The following CDH4 variants were observed in gnomAD, a reference collection of about 807,000 sequenced individuals.
CDH4 encodes cadherin-4.
In CDH4, 33 loss-of-function variants were observed where a neutral mutation model predicts 86.0. The observed-to-expected ratio is 0.38, with a 90% CI of 0.29 to 0.51. The LOEUF (loss-of-function observed/expected upper bound fraction) is 0.51. Ranked by LOEUF, CDH4 falls within the 20% of genes least tolerant of loss-of-function variation. The pLI is 0.86. For missense variants in CDH4, 1,114 were observed against 1,307.4 expected (o/e 0.85, Z 2.28); for synonymous variants, 555 against 549.4 (o/e 1.01, Z -0.14).
intron 2 of CDH4, among the ~76,000 whole-genome samples, chr20:61,705,808 T>C (rs996243917): frequency 2.6e-5 from 4 of 152,208 alleles, no homozygotes; most frequent in Admixed American, 1.3e-4. Flanking sequence ...CAGGCTCCAT[T>C]TGCAAGGGGC....
At chr20:61,914,102 C>A (rs960474787) in intron 9 of CDH4, among the ~76,000 whole-genome samples, 1 of 152,226 alleles carries the variant, frequency 6.6e-6, no homozygotes, top group Non-Finnish European at 1.5e-5. Flanking sequence ...TCCTGCCCCC[C>A]CACAGCCAGT....
intron 2 of CDH4, among the ~76,000 whole-genome samples, chr20:61,648,062 C>T (rs916106366): frequency 1.3e-5 from 2 of 152,184 alleles, no homozygotes; most frequent in Non-Finnish European, 2.9e-5. Flanking sequence ...TGCAGGCAGG[C>T]GTGGGCTCCA....
At chr20:61,270,897 A>C (rs549958254) in intron 2 of CDH4, among the ~76,000 whole-genome samples, 1 of 152,140 alleles carries the variant, frequency 6.6e-6, no homozygotes, top group South Asian at 2.1e-4. Flanking sequence ...TTTGGGTTAA[A>C]CGTTTACCAT....
chr20:61,424,380 CCACACACATATCCACACACAG>C (rs1409136382), intron 2 of CDH4, among the ~76,000 whole-genome samples: 1 of 147,404 alleles, frequency 6.8e-6, no homozygotes, highest in East Asian at 2.1e-4. Flanking sequence ...AAACATGTAT[CCACACACATATCCACACACAG>C]CACACATGTA....
chr20:61,293,208 G>A (rs761417104), intron 2 of CDH4, among the ~76,000 whole-genome samples: 3 of 152,168 alleles, frequency 2.0e-5, no homozygotes, highest in Non-Finnish European at 4.4e-5. Flanking sequence ...TTGGCCTGCG[G>A]GTTCTAGCTC....
intron 2 of CDH4, among the ~76,000 whole-genome samples, chr20:61,346,544 C>A (rs1290125224): frequency 1.3e-5 from 2 of 152,024 alleles, no homozygotes; most frequent in Non-Finnish European, 2.9e-5. Flanking sequence ...AGGAGTTCAA[C>A]ACTAGCCTGG....
intron 3 of CDH4, among the ~76,000 whole-genome samples, chr20:61,768,500 C>G (rs1009753881): frequency 1.3e-5 from 2 of 152,088 alleles, no homozygotes; most frequent in African/African-American, 4.8e-5. Flanking sequence ...TCATTCACTC[C>G]GAAATACAGA....
chr20:61,726,444 A>G (rs1395951127), intron 2 of CDH4, among the ~76,000 whole-genome samples: 1 of 152,162 alleles, frequency 6.6e-6, no homozygotes, highest in Non-Finnish European at 1.5e-5. Flanking sequence ...CAGTGTGTCC[A>G]TATGTAAAAT....
intron 3 of CDH4, among the ~76,000 whole-genome samples, chr20:61,758,233 G>A (rs564519662): frequency 1.3e-5 from 2 of 152,288 alleles, no homozygotes; most frequent in African/African-American, 4.8e-5. Context: ...GTGATGTATG[G>A]GAAGAAGCCA....
At chr20:61,771,322 C>T (rs2088773688) in intron 3 of CDH4, among the ~76,000 whole-genome samples, 1 of 150,254 alleles carries the variant, frequency 6.7e-6, no homozygotes, top group Non-Finnish European at 1.5e-5. Flanking sequence ...TTTTTCTATC[C>T]TTTAAAAAAA....
intron 2 of CDH4, among the ~76,000 whole-genome samples, chr20:61,543,177 C>T (rs2086053228): frequency 6.6e-6 from 1 of 152,232 alleles, no homozygotes; most frequent in African/African-American, 2.4e-5. Flanking sequence ...CTCTTCCAGT[C>T]CACTGACTCA....
At chr20:61,563,795 C>T (rs1359540203) in intron 2 of CDH4, among the ~76,000 whole-genome samples, 6 of 152,278 alleles carry the variant, frequency 3.9e-5, no homozygotes, top group South Asian at 2.1e-4. Context: ...CCTTTCGCCC[C>T]GTAATGGGCA....
At chr20:61,254,296 CG>C (rs1176442889) in intron 1 of CDH4, among the ~76,000 whole-genome samples, 2 of 152,232 alleles carry the variant, frequency 1.3e-5, no homozygotes, top group Admixed American at 6.5e-5. Context: ...CGACCGGCTC[CG>C]GACCTAGTCC....
At chr20:61,758,044 C>A (rs373634682) in intron 3 of CDH4, among the ~76,000 whole-genome samples, 1 of 152,194 alleles carries the variant, frequency 6.6e-6, no homozygotes, top group South Asian at 2.1e-4. Context: ...CCGCCCTCAC[C>A]GAGCTTACCT....
intron 2 of CDH4, among the ~76,000 whole-genome samples, chr20:61,343,513 A>G (rs2084660160): frequency 6.6e-6 from 1 of 152,220 alleles, no homozygotes; most frequent in Non-Finnish European, 1.5e-5. Flanking sequence ...TGATGTGTTT[A>G]AGAAACACAT....
At chr20:61,484,381 G>A (rs1600706377) in intron 2 of CDH4, among the ~76,000 whole-genome samples, 1 of 152,136 alleles carries the variant, frequency 6.6e-6, no homozygotes, top group Non-Finnish European at 1.5e-5. Flanking sequence ...ACTTTATTGG[G>A]CATTTTTACT....
intron 3 of CDH4, among the ~76,000 whole-genome samples, chr20:61,746,987 C>T (rs1432457845): frequency 1.3e-5 from 2 of 152,178 alleles, no homozygotes; most frequent in East Asian, 1.9e-4. Flanking sequence ...TGGCCGCCTG[C>T]CAGAAGCAAC....
intron 7 of CDH4, among the ~76,000 whole-genome samples, chr20:61,884,409 C>T (rs548119851): frequency 8.5e-5 from 13 of 152,312 alleles, no homozygotes; most frequent in South Asian, 4.1e-4. Context: ...GCAAAGTCTG[C>T]GGAGCCAGAA....
At chr20:61,632,480 C>G (rs1007293087) in intron 2 of CDH4, among the ~76,000 whole-genome samples, 1 of 152,138 alleles carries the variant, frequency 6.6e-6, no homozygotes, top group Non-Finnish European at 1.5e-5. Flanking sequence ...AACGCCGGGC[C>G]TCCGGGAAAT....
Sources: gnomAD v4.1 joint callset for allele counts (sites outside exome capture counted in the v4.1 genomes callset) on GRCh38, gnomAD v4.1.1 for gene constraint, MANE v1.5 for transcripts, NCBI Gene and HGNC (gene_info 2026-07-23, HGNC 2026-07-21) for gene names.